CEP70: variants seen among roughly 807,000 people sequenced by gnomAD.
CEP70 encodes the protein centrosomal protein of 70 kDa.
A neutral mutation model predicts 90.9 loss-of-function variants in CEP70; 70 were observed. The ratio of observed to expected loss-of-function variants is 0.77; its 90% CI spans 0.64 to 0.94. The LOEUF is 0.94. Among genes scored for constraint, CEP70 ranks in the 40% least tolerant of loss-of-function variants. CEP70 has a pLI of 0.00. For missense variants in CEP70, 648 were observed against 669.0 expected (o/e 0.97, Z 0.35); for synonymous variants, 220 against 228.3 (o/e 0.96, Z 0.33).
chr3:138,534,614 C>T (rs932676406), intron 7 of CEP70, among the ~76,000 whole-genome samples: 6 of 152,122 alleles, frequency 3.9e-5, no homozygotes, highest in African/African-American at 1.2e-4. Flanking sequence ...GCAACACTGC[C>T]GATCACCCTC....
chr3:138,546,058 G>A (rs1330901623), intron 6 of CEP70, among the ~76,000 whole-genome samples: 1 of 152,020 alleles, frequency 6.6e-6, no homozygotes, highest in African/African-American at 2.4e-5. Context: ...CCTACTCCCT[G>A]TTCATACACC....
intron 6 of CEP70, among the ~76,000 whole-genome samples, chr3:138,563,735 A>G (rs893779172): frequency 1.3e-5 from 2 of 152,220 alleles, no homozygotes; most frequent in Non-Finnish European, 2.9e-5. Flanking sequence ...AGTGCCCACA[A>G]GAGAAAGCAG....
chr3:138,535,307 T>C (rs931360000), intron 7 of CEP70, among the ~76,000 whole-genome samples: 3 of 152,200 alleles, frequency 2.0e-5, no homozygotes, highest in African/African-American at 2.4e-5. Flanking sequence ...AGATAACTCA[T>C]TCATGAAGCC....
chr3:138,560,321 C>A (rs1164800386), intron 6 of CEP70, among the ~76,000 whole-genome samples: 1 of 152,184 alleles, frequency 6.6e-6, no homozygotes, highest in African/African-American at 2.4e-5. Flanking sequence ...AGGAACAGTG[C>A]ACTCTAGCCC....
At chr3:138,568,589 G>A (rs1397751459) in intron 6 of CEP70, among the ~76,000 whole-genome samples, 6 of 152,028 alleles carry the variant, frequency 3.9e-5, no homozygotes, top group Admixed American at 6.6e-5. Context: ...CTAAGAGCAA[G>A]GTCAAAACCA....
At chr3:138,544,100 C>A (rs1342113005) in intron 6 of CEP70, among the ~76,000 whole-genome samples, 1 of 152,056 alleles carries the variant, frequency 6.6e-6, no homozygotes, top group Non-Finnish European at 1.5e-5. Flanking sequence ...ACCAACCTGG[C>A]CGACACAGTA....
intron 17 of CEP70, chr3:138,495,809 G>A (rs562143455): frequency 2.7e-4 from 230 of 852,436 alleles, no homozygotes; most frequent in Middle Eastern, 1.2e-3. Flanking sequence ...CTGAGATTGC[G>A]TCACTGCACT....
chr3:138,546,175 C>T (rs1302096873), intron 6 of CEP70, among the ~76,000 whole-genome samples: 2 of 152,100 alleles, frequency 1.3e-5, no homozygotes, highest in Non-Finnish European at 2.9e-5. Flanking sequence ...CTGTAAAATT[C>T]CTCTCTTTGT....
rs563589420 is a variant in CEP70 at position 138,559,378 on chromosome 3, G to T, written c.465+10940C>A. Among the ~76,000 whole-genome samples the T allele has an allele frequency of 5.6e-3, 860 of 152,294 alleles. 7 individuals are homozygous for T. Among genetic ancestry groups the T allele is most frequent in the African/African-American group, 0.02 (828 of 41,576 alleles). On this transcript the variant is annotated intron_variant, in intron 6 of 17. Coordinates refer to ENST00000264982, the MANE Select transcript of CEP70 (RefSeq NM_024491.4). ...TCAAGCTACACGCTCAAGAAATGCTGCAAAATCAAAGGAAGATAAATCAAA... is the reference window on the plus strand; with the variant it reads ...TCAAGCTACACGCTCAAGAAATGCTTCAAAATCAAAGGAAGATAAATCAAA...
chr3:138,497,340 A>C, intron 17 of CEP70: 1 of 1,257,726 alleles, frequency 8.0e-7, no homozygotes, highest in Non-Finnish European at 1.0e-6. Context: ...TTAAAAAAAA[A>C]AAAAAATCTT....
chr3:138,499,296 T>C (rs956842394), intron 16 of CEP70, among the ~76,000 whole-genome samples: 1 of 152,158 alleles, frequency 6.6e-6, no homozygotes, highest in African/African-American at 2.4e-5. Flanking sequence ...ATAGCTACAA[T>C]GTCTTGATAT....
chr3:138,530,794 G>A (rs1407056984), intron 8 of CEP70: 7 of 984,882 alleles, frequency 7.1e-6, no homozygotes, highest in African/African-American at 1.7e-5. Context: ...TACTTCTTTA[G>A]ATGATACCTA....
At chr3:138,547,236 T>C (rs1410251281) in intron 6 of CEP70, among the ~76,000 whole-genome samples, 2 of 152,316 alleles carry the variant, frequency 1.3e-5, no homozygotes, top group Non-Finnish European at 2.9e-5. Context: ...TTTACAAAAC[T>C]GTAGGATAGA....
chr3:138,572,970 A>G (rs2041280554), intron 2 of CEP70, 38 bp from the exon 3 acceptor site: 1 of 1,476,858 alleles, frequency 6.8e-7, no homozygotes, highest in Non-Finnish European at 9.3e-7. Context: ...TTGGCAATTA[A>G]AAAATTTGAG....
chr3:138,547,061 C>G (rs911812341), intron 6 of CEP70, among the ~76,000 whole-genome samples: 13 of 152,116 alleles, frequency 8.5e-5, no homozygotes, highest in Admixed American at 7.2e-4. Flanking sequence ...AAATAAAAAA[C>G]GGATGTGACT....
chr3:138,546,630 T>C (rs1320126592), intron 6 of CEP70, among the ~76,000 whole-genome samples: 1 of 152,068 alleles, frequency 6.6e-6, no homozygotes, highest in African/African-American at 2.4e-5. Flanking sequence ...GTGCCTGTAG[T>C]CCCAGCTACT....
At chr3:138,518,851 A>G (rs902861774) in intron 11 of CEP70, among the ~76,000 whole-genome samples, 1 of 152,246 alleles carries the variant, frequency 6.6e-6, no homozygotes, top group African/African-American at 2.4e-5. Flanking sequence ...TGACGAGTTG[A>G]GAGAAGAAGA....
intron 6 of CEP70, among the ~76,000 whole-genome samples, chr3:138,561,940 G>A (rs955684869): frequency 2.0e-5 from 3 of 151,080 alleles, no homozygotes; most frequent in Non-Finnish European, 2.9e-5. Context: ...GGAGAATGGC[G>A]TGAACCTGGG....
chr3:138,555,248 C>CAAAAAAAAAAAAA (rs200406072), intron 6 of CEP70, among the ~76,000 whole-genome samples: 1 of 127,212 alleles, frequency 7.9e-6, no homozygotes, highest in African/African-American at 3.0e-5. Flanking sequence ...GACTCCATCT[C>CAAAAAAAAAAAAA]AAAAAAAAAA....
Sources: allele counts gnomAD v4.1 joint callset (sites outside exome capture counted in the v4.1 genomes callset), GRCh38; gene constraint gnomAD v4.1.1; transcripts MANE v1.5; gene names NCBI Gene and HGNC (gene_info 2026-07-23, HGNC 2026-07-21).